DOCK2: variants seen among roughly 807,000 people sequenced by gnomAD.
DOCK2 encodes the protein dedicator of cytokinesis 2.
A neutral mutation model predicts 248.9 loss-of-function variants in DOCK2; 87 were observed. That is an observed-to-expected ratio of 0.35 (90% confidence interval 0.29 to 0.42). The LOEUF is 0.42. Among genes scored for constraint, DOCK2 ranks in the 10% least tolerant of loss-of-function variants. DOCK2 has a pLI of 1.00. For missense variants in DOCK2, 1,747 were observed against 2,300.2 expected, an observed-to-expected ratio of 0.76 and a Z score of 4.92; for synonymous variants, 805 against 821.6, an observed-to-expected ratio of 0.98 and a Z score of 0.35.
At chr5:170,067,740 G>A in intron 45 of DOCK2, 54 bp downstream of exon 45, 3 of 1,588,570 alleles carry the variant, frequency 1.9e-6, no homozygotes, top group Non-Finnish European at 1.7e-6. Context: ...GAGCAGTGGT[G>A]GGAGGACCCA....
intron 2 of DOCK2, among the ~76,000 whole-genome samples, 169 bp from the exon 3 acceptor site, chr5:169,669,119 A>G (rs1296358746): frequency 1.3e-5 from 2 of 152,184 alleles, no homozygotes; most frequent in Non-Finnish European, 2.9e-5. Flanking sequence ...TTGGCAACCA[A>G]TTCAACAGAT....
At chr5:169,666,540 T>G (rs2113261732) in intron 2 of DOCK2, among the ~76,000 whole-genome samples, 1 of 152,294 alleles carries the variant, frequency 6.6e-6, no homozygotes, top group Admixed American at 6.5e-5. Context: ...GTCCAGGAAT[T>G]TTTCTCTTTT....
At chr5:169,800,122 C>T (rs1428770307) in intron 25 of DOCK2, among the ~76,000 whole-genome samples, 1 of 152,118 alleles carries the variant, frequency 6.6e-6, no homozygotes, top group Non-Finnish European at 1.5e-5. Context: ...TATCTTCAGT[C>T]CAAATTTCTC....
chr5:169,697,179 T>C (rs997806457), intron 10 of DOCK2, among the ~76,000 whole-genome samples: 2 of 152,182 alleles, frequency 1.3e-5, no homozygotes, highest in Non-Finnish European at 2.9e-5. Flanking sequence ...AGCTTATGAA[T>C]AGATCGCTTC....
At chr5:169,981,979 G>A (rs111746643) in intron 27 of DOCK2, among the ~76,000 whole-genome samples, 7 of 151,372 alleles carry the variant, frequency 4.6e-5, no homozygotes, top group African/African-American at 1.7e-4. Flanking sequence ...TATCTTCAAG[G>A]TATGCCTGTA....
At chr5:169,782,673 A>G (rs953511891) in intron 25 of DOCK2, among the ~76,000 whole-genome samples, 2 of 152,094 alleles carry the variant, frequency 1.3e-5, no homozygotes, top group African/African-American at 2.4e-5. Flanking sequence ...TTCAACAGCC[A>G]TGTAGGTCTT....
At position 169,684,369 on chromosome 5, in the gene DOCK2, G is replaced by A; in HGVS notation, c.761+19G>A. 6.2e-7 allele frequency: 1 copy of A among 1,611,840 alleles called. No homozygotes were observed. Among genetic ancestry groups the A allele is most frequent in the South Asian group, 1.1e-5 (1 of 90,952 alleles). ...TCATAAGGTAGGTGTGTCCAGGGTT[G>A]CCCTACTTCTCTGACTATGGGAAGC... On this transcript the variant is annotated intron_variant, in intron 8 of 51. Transcript: ENST00000520908.
chr5:169,759,427 G>A (rs113070931), intron 23 of DOCK2, among the ~76,000 whole-genome samples: 4,628 of 152,340 alleles, frequency 0.03, 89 homozygotes, highest in Middle Eastern at 0.048. Context: ...CTAATAAGGT[G>A]TGGAAACAGA....
intron 48 of DOCK2, 32 bp downstream of exon 48, chr5:170,077,869 AC>A: frequency 6.4e-7 from 1 of 1,571,020 alleles, no homozygotes; most frequent in Non-Finnish European, 8.7e-7. Flanking sequence ...AGCCCCCCAC[AC>A]CCCTGCCTCC....
intron 26 of DOCK2, among the ~76,000 whole-genome samples, chr5:169,817,163 T>G (rs1225258877): frequency 6.6e-6 from 1 of 152,236 alleles, no homozygotes; most frequent in Non-Finnish European, 1.5e-5. Flanking sequence ...CACCCCAGGT[T>G]CTTTTAGCTC....
intron 6 of DOCK2, among the ~76,000 whole-genome samples, chr5:169,680,390 A>G (rs1013192755): frequency 6.6e-6 from 1 of 152,212 alleles, no homozygotes; most frequent in East Asian, 1.9e-4. Flanking sequence ...GTGTAGTTGA[A>G]ACAAATCAAT....
At chr5:170,079,299 G>T in intron 49 of DOCK2, 153 bp downstream of exon 49, 2 of 1,092,326 alleles carry the variant, frequency 1.8e-6, no homozygotes, top group Non-Finnish European at 2.6e-6. Flanking sequence ...GGAGCTGAGA[G>T]GTGAAGTGCT....
Position 169,765,067 on chromosome 5 carries a change from A to AGC in DOCK2, c.2554+3445_2554+3446dup, listed in dbSNP as rs901187777. On this transcript the variant is annotated intron_variant, in intron 25 of 51. Transcript: ENST00000520908. Reference sequence around the variant, plus strand: ...ATGATTTACCCCTCAGGGCTCTTTTAGCGCACACACACACACACACACACA... The same window carrying AGC: ...ATGATTTACCCCTCAGGGCTCTTTTAGCGCGCACACACACACACACACACACA... Among the ~76,000 whole-genome samples the AGC allele has an allele frequency of 4.7e-4, 25 of 52,636 alleles. 1 individual carries two copies. Among genetic ancestry groups the AGC allele is most frequent in the East Asian group, 1.2e-3 (2 of 1,636 alleles). The allele number at this position is 52,636 out of a possible 152,430, so 34.5% of individuals were successfully genotyped here.
intron 27 of DOCK2, among the ~76,000 whole-genome samples, chr5:169,912,621 ATGTG>A (rs59287791): frequency 6.6e-6 from 1 of 150,422 alleles, no homozygotes; most frequent in Admixed American, 6.6e-5. Flanking sequence ...GGTGGAGTGT[ATGTG>A]TGTGTGTGTG....
intron 46 of DOCK2, among the ~76,000 whole-genome samples, chr5:170,070,011 A>G (rs1259046577): frequency 1.3e-5 from 2 of 148,288 alleles, no homozygotes; most frequent in Admixed American, 1.3e-4. Flanking sequence ...CTCATTCTCC[A>G]TCTCCCTGCA....
chr5:169,728,186 A>G (rs566704363), intron 22 of DOCK2, among the ~76,000 whole-genome samples: 26 of 152,338 alleles, frequency 1.7e-4, no homozygotes, highest in African/African-American at 6.3e-4. Context: ...CATGAGAAAT[A>G]CAGGGGAGTA....
At chr5:170,078,540 C>T (rs1336181666) in intron 48 of DOCK2, among the ~76,000 whole-genome samples, 1 of 152,192 alleles carries the variant, frequency 6.6e-6, no homozygotes, top group Non-Finnish European at 1.5e-5. Flanking sequence ...GTTCCTCAGA[C>T]ATCATCTCAT....
chr5:169,671,268 A>G (rs2113292529), intron 5 of DOCK2, 94 bp downstream of exon 5: 4 of 1,171,330 alleles, frequency 3.4e-6, no homozygotes, highest in East Asian at 2.4e-5. Flanking sequence ...AGGCAGGTGG[A>G]GGTGGCTTTG....
chr5:170,082,741 G>A, intron 51 of DOCK2, 55 bp from the exon 52 acceptor site: 1 of 1,607,418 alleles, frequency 6.2e-7, no homozygotes. Context: ...GCTCCATTTT[G>A]GTGCTTAATC....
Sources: gnomAD v4.1 joint callset for allele counts (sites outside exome capture counted in the v4.1 genomes callset) on GRCh38, gnomAD v4.1.1 for gene constraint, MANE v1.5 for transcripts, NCBI Gene and HGNC (gene_info 2026-07-23, HGNC 2026-07-21) for gene names.